The following DTX1 variants were observed in gnomAD, a reference collection of about 807,000 sequenced individuals.
The protein encoded by DTX1 is deltex E3 ubiquitin ligase 1, also known as E3 ubiquitin-protein ligase DTX1.
A neutral mutation model predicts 57.8 loss-of-function variants in DTX1; 26 were observed. That is an observed-to-expected ratio of 0.45 (90% CI 0.33 to 0.62). The LOEUF (loss-of-function observed/expected upper bound fraction) is 0.62. Among genes scored for constraint, DTX1 ranks in the 20% least tolerant of loss-of-function variants. DTX1 has a pLI of 0.02. For missense variants in DTX1, 704 were observed against 895.3 expected (o/e 0.79, Z 2.73); for synonymous variants, 398 against 394.1 (o/e 1.01, Z -0.12).
At chr12:113,087,648 A>T (rs1488222729) in intron 3 of DTX1, among the ~76,000 whole-genome samples, 1 of 152,046 alleles carries the variant, frequency 6.6e-6, no homozygotes, top group Non-Finnish European at 1.5e-5. Flanking sequence ...TGACATCCTC[A>T]CTTCTGCCCC....
rs1324541877 is a variant in DTX1, at chr12:113,064,920, GT to G, written c.259+6470del. Among the ~76,000 whole-genome samples the G allele has an allele frequency of 5.3e-5, 8 of 152,294 alleles. 1 individual carries two copies. The highest frequency in any genetic ancestry group is 1.9e-4 in the African/African-American group (8 of 41,560). ...CCTGGAGGAGGAGTCCTTTGAGAGT[GT>G]GTGATTTGGGTAAATAGAATGATAG... On this transcript the variant is annotated intron_variant, in intron 2 of 9. Transcript: ENST00000548759.
chr12:113,089,649 G>A (rs1048806644), intron 3 of DTX1, among the ~76,000 whole-genome samples: 7 of 152,192 alleles, frequency 4.6e-5, no homozygotes, highest in African/African-American at 1.4e-4. Context: ...TGCTACCCTG[G>A]GTTCTCGCAG....
intron 2 of DTX1, among the ~76,000 whole-genome samples, chr12:113,072,350 AT>A (rs2044742798): frequency 1.3e-5 from 2 of 152,346 alleles, no homozygotes; most frequent in South Asian, 4.1e-4. Flanking sequence ...CAGACATGCA[AT>A]AAAAGACTGC....
intron 3 of DTX1, among the ~76,000 whole-genome samples, chr12:113,087,019 G>C (rs117220230): frequency 0.014 from 2,115 of 150,482 alleles, 22 homozygotes; most frequent in Non-Finnish European, 0.022. Flanking sequence ...GGGAACAGCC[G>C]GTCCTGCCCT....
At chr12:113,090,313 T>G (rs965871688) in intron 3 of DTX1, among the ~76,000 whole-genome samples, 10 of 151,770 alleles carry the variant, frequency 6.6e-5, no homozygotes, top group African/African-American at 2.4e-4. Flanking sequence ...GAAGTTAGAG[T>G]GGTGACAGCT....
chr12:113,070,650 A>G (rs1413273633), intron 2 of DTX1, among the ~76,000 whole-genome samples: 1 of 152,182 alleles, frequency 6.6e-6, no homozygotes, highest in Non-Finnish European at 1.5e-5. Context: ...TCAGATCGGG[A>G]CCATGCTCTA....
chr12:113,079,515 CTTTTTTTTTTTTTTTT>C (rs3038193), intron 3 of DTX1, among the ~76,000 whole-genome samples: 2 of 77,174 alleles, frequency 2.6e-5, no homozygotes, highest in Non-Finnish European at 4.6e-5. Context: ...GGCCACTTCT[CTTTTTTTTTTTTTTTT>C]TTTTTTTTTT....
At position 113,093,550 on chromosome 12, in the gene DTX1, A is replaced by G; in HGVS notation, c.1015A>G (p.Ile339Val). The G allele has an allele frequency of 6.2e-7, 1 of 1,607,064 alleles. No individual in the cohort carries two copies. ...VHPALAGMTGILLCAAGLPVC... is the reference protein window; with the variant it reads ...VHPALAGMTGVLLCAAGLPVC... ...CCCCTAACCCCCAGGGATGACCGGG[A>G]TACTGCTGTGCGCGGCCGGGCTGCC... Residue 339 changes from isoleucine (I) to valine (V), a missense_variant, in exon 5 of 10, where the codon ATA (isoleucine) becomes GTA (valine). By Grantham distance (29) the Ile-to-Val change is conservative. Transcript: ENST00000548759. This position sits in a 1 kb window ranked among gnomAD's most constrained non-coding sequence, Gnocchi z 4.2.
rs183399927 is a variant in DTX1 at position 113,074,301 on chromosome 12, T to C, written c.260-3123T>C. On this transcript the variant is annotated intron_variant, in intron 2 of 9. Transcript: ENST00000548759. ...ATAAAGCAAGCTCAGAGGACAGCAA[T>C]AGGAGGGCTGCACTTTTAGATGTTT... 8.7e-4 allele frequency among the ~76,000 whole-genome samples: 132 copies of C among 151,930 alleles called. 1 individual carries two copies. Among genetic ancestry groups the C allele is most frequent in the African/African-American group, 2.8e-3 (114 of 41,414 alleles).
At chr12:113,057,123 C>A (rs1275509866) in intron 1 of DTX1, among the ~76,000 whole-genome samples, 179 bp downstream of exon 1, 1 of 152,028 alleles carries the variant, frequency 6.6e-6, no homozygotes, top group Non-Finnish European at 1.5e-5. Context: ...TGGGCCGCGC[C>A]TGCAGCGCCG....
At chr12:113,065,895 C>G (rs2044700568) in intron 2 of DTX1, among the ~76,000 whole-genome samples, 1 of 152,130 alleles carries the variant, frequency 6.6e-6, no homozygotes, top group African/African-American at 2.4e-5. Context: ...GTCCCTAACT[C>G]TCTCTCCAGT....
intron 3 of DTX1, among the ~76,000 whole-genome samples, chr12:113,083,837 A>C (rs1380016401): frequency 6.6e-6 from 1 of 152,066 alleles, no homozygotes; most frequent in Non-Finnish European, 1.5e-5. Context: ...TCCTGGACCC[A>C]AACAGATCCA....
chr12:113,057,240 A>C (rs2136419652), intron 1 of DTX1, among the ~76,000 whole-genome samples: 5 of 151,992 alleles, frequency 3.3e-5, no homozygotes, highest in East Asian at 2.0e-4. Flanking sequence ...GGCGCCCCCC[A>C]GGCGGAGAGT....
intron 1 of DTX1, among the ~76,000 whole-genome samples, chr12:113,057,165 G>T (rs1014121478): frequency 1.2e-4 from 18 of 151,882 alleles, no homozygotes; most frequent in African/African-American, 4.4e-4. Context: ...GCACCCCAGC[G>T]CACCCGGCAT....
chr12:113,095,001 G>A (rs768063861), intron 7 of DTX1, 41 bp from the exon 8 acceptor site: 9 of 1,603,182 alleles, frequency 5.6e-6, no homozygotes, highest in Middle Eastern at 1.7e-4. Context: ...AGTGGGGTTT[G>A]GGGGGGTGCT....
chr12:113,095,703 T>C, intron 9 of DTX1: 1 of 423,490 alleles, frequency 2.4e-6, no homozygotes, highest in Non-Finnish European at 4.3e-6. Context: ...GAGCTGGGAT[T>C]TGAGCCCAGG....
At chr12:113,058,885 C>T (rs2044648569) in intron 2 of DTX1, among the ~76,000 whole-genome samples, 1 of 152,164 alleles carries the variant, frequency 6.6e-6, no homozygotes, top group African/African-American at 2.4e-5. Context: ...TATTATGAGT[C>T]CCATTTTATA....
chr12:113,095,146 C>A lies in DTX1; in HGVS notation c.1491C>A (p.Pro497=). 1.2e-6 allele frequency: 2 copies of A among 1,613,494 alleles called. No homozygotes were observed. Among genetic ancestry groups the A allele is most frequent in the Non-Finnish European group, 1.7e-6 (2 of 1,179,490 alleles). Residue 497 remains proline (P), a synonymous_variant, in exon 8 of 10, where the codon CCC becomes CCA. Transcript: ENST00000548759. ...MEFHLIPHSL[P]GFPDTQTIRI... is the part of the protein sequence containing the mutation. ...TCCACCTCATCCCCCACTCGCTGCC[C>A]GGCTTCCCTGATACCCAGACCATCC...
intron 2 of DTX1, among the ~76,000 whole-genome samples, chr12:113,070,540 G>A (rs1480417161): frequency 6.6e-6 from 1 of 152,214 alleles, no homozygotes; most frequent in Non-Finnish European, 1.5e-5. Context: ...AGGAAGGCTC[G>A]GGGGCTCAGA....
Sources: allele counts gnomAD v4.1 joint callset (sites outside exome capture counted in the v4.1 genomes callset), GRCh38; gene constraint gnomAD v4.1.1; non-coding constraint Gnocchi (gnomAD v3.1); transcripts MANE v1.5; gene names NCBI Gene and HGNC (gene_info 2026-07-23, HGNC 2026-07-21).